PCDHA8: variants seen among roughly 807,000 people sequenced by gnomAD.
PCDHA8 encodes protocadherin alpha-8.
Under a neutral mutation model 61.8 loss-of-function variants are expected in PCDHA8, and 53 were observed. That is an observed-to-expected ratio of 0.86 (90% confidence interval 0.69 to 1.08). PCDHA8 has a LOEUF of 1.08. PCDHA8 is among the 50% of genes least tolerant of loss of function. PCDHA8 has a pLI of 0.00. For synonymous variants in PCDHA8, 618 were observed against 556.6 expected (o/e 1.11, Z -1.55); for missense variants, 1,293 against 1,245.0 (o/e 1.04, Z -0.58).
At chr5:140,853,825 C>A (rs1465584755) in intron 1 of PCDHA8, 1 of 986,448 alleles carries the variant, frequency 1.0e-6, no homozygotes, top group Non-Finnish European at 1.2e-6. Flanking sequence ...GATTCTCATA[C>A]AACCGAAATT....
chr5:140,846,727 C>T (rs2150394030), intron 1 of PCDHA8, among the ~76,000 whole-genome samples: 16 of 149,262 alleles, frequency 1.1e-4, no homozygotes, highest in Non-Finnish European at 1.2e-4. Context: ...CTTCATTAAA[C>T]ATTAAATAGG....
chr5:140,965,401 A>C (rs546046699), intron 1 of PCDHA8, among the ~76,000 whole-genome samples: 1 of 152,166 alleles, frequency 6.6e-6, no homozygotes, highest in Non-Finnish European at 1.5e-5. Flanking sequence ...AAGTCTAAGG[A>C]GTCTTATATT....
At chr5:140,916,323 C>G (rs1035282237) in intron 1 of PCDHA8, among the ~76,000 whole-genome samples, 2 of 152,210 alleles carry the variant, frequency 1.3e-5, no homozygotes. Flanking sequence ...ACAAAGTCCC[C>G]TTTACTTTTT....
chr5:140,996,412 A>G (rs563756317), intron 3 of PCDHA8, among the ~76,000 whole-genome samples: 1 of 152,332 alleles, frequency 6.6e-6, no homozygotes, highest in Admixed American at 6.5e-5. Context: ...TGGGGCAGGC[A>G]GTGTGAAAAC....
chr5:140,866,490 C>T (rs1197584665), intron 1 of PCDHA8: 2 of 152,070 alleles, frequency 1.3e-5, no homozygotes, highest in Admixed American at 1.3e-4. Flanking sequence ...TGATTTGTGA[C>T]CAAATAACTG....
intron 1 of PCDHA8, among the ~76,000 whole-genome samples, chr5:140,879,706 A>T (rs2058090742): frequency 6.6e-6 from 1 of 152,246 alleles, no homozygotes; most frequent in African/African-American, 2.4e-5. Context: ...ATTATTTCTC[A>T]GTATTGGAGA....
At chr5:140,902,514 T>C (rs1288692863) in intron 1 of PCDHA8, among the ~76,000 whole-genome samples, 1 of 152,128 alleles carries the variant, frequency 6.6e-6, no homozygotes, top group Non-Finnish European at 1.5e-5. Flanking sequence ...CTGTCATATA[T>C]GGTTTTTATT....
intron 1 of PCDHA8, chr5:140,883,270 T>C: frequency 6.2e-7 from 1 of 1,614,106 alleles, no homozygotes; most frequent in Non-Finnish European, 8.5e-7. Flanking sequence ...CGGGTCATTG[T>C]ACCCTTTTGG....
At chr5:140,986,293 CAG>C (rs1447196504) in intron 3 of PCDHA8, among the ~76,000 whole-genome samples, 2 of 152,124 alleles carry the variant, frequency 1.3e-5, no homozygotes, top group Admixed American at 6.5e-5. Flanking sequence ...TGAGACTGAG[CAG>C]AGAGAGAAAA....
At chr5:140,853,047 T>C in intron 1 of PCDHA8, 1 of 270,060 alleles carries the variant, frequency 3.7e-6, no homozygotes, top group Non-Finnish European at 5.9e-6. Context: ...CCCGCCTAAT[T>C]TTTTTGTATT....
intron 1 of PCDHA8, among the ~76,000 whole-genome samples, chr5:140,933,543 A>C (rs888580290): frequency 6.6e-6 from 1 of 152,092 alleles, no homozygotes; most frequent in Non-Finnish European, 1.5e-5. Flanking sequence ...AATAATGTTA[A>C]TATAAAATAA....
intron 3 of PCDHA8, among the ~76,000 whole-genome samples, chr5:141,007,395 C>CAA (rs35800918): frequency 2.8e-4 from 27 of 94,848 alleles, no homozygotes; most frequent in South Asian, 7.0e-4. Context: ...TACTAAAATA[C>CAA]AAAAAAAAAA....
chr5:140,957,222 G>A (rs537549328), intron 1 of PCDHA8, among the ~76,000 whole-genome samples: 1 of 152,182 alleles, frequency 6.6e-6, no homozygotes, highest in East Asian at 1.9e-4. Context: ...AAAATTTGGC[G>A]AAGCATTTTG....
intron 1 of PCDHA8, chr5:140,927,385 C>T (rs781913021): frequency 1.9e-6 from 3 of 1,614,098 alleles, no homozygotes; most frequent in Non-Finnish European, 1.7e-6. Flanking sequence ...CAGCCTAAGC[C>T]CCAGTCAGCA....
intron 1 of PCDHA8, among the ~76,000 whole-genome samples, chr5:140,974,152 G>A (rs183558718): frequency 4.2e-4 from 64 of 152,284 alleles, no homozygotes; most frequent in Admixed American, 2.4e-3. Flanking sequence ...CTATACAAGG[G>A]TTTTTCTTTC....
intron 2 of PCDHA8, among the ~76,000 whole-genome samples, chr5:140,980,905 A>G (rs182283088): frequency 1.5e-4 from 23 of 152,274 alleles, no homozygotes; most frequent in Admixed American, 1.4e-3. Context: ...ACATCATGTA[A>G]CTATTCTTTA....
chr5:140,884,733 T>C lies in PCDHA8; in HGVS notation c.2394+41018T>C, dbSNP rs782206169. On this transcript the variant is annotated intron_variant, in intron 1 of 3. Transcript: ENST00000531613. ...TCCTTGCAGTTGTTTGTTTAAGACA[T>C]CTTTCCTGCCAATTTCAAATTATTC... 1.1e-4 allele frequency: 158 copies of C among 1,448,002 alleles called. No homozygotes were observed. The Middle Eastern group carries it at 1.8e-3, about 17-fold the overall frequency. The allele number at this position is 1,448,002 out of a possible 1,614,324, so 89.7% of individuals were successfully genotyped here. A position where few individuals can be genotyped will look rare whatever the true frequency, so the allele number is the denominator to read the frequency against.
In PCDHA8 at chr5:140,929,288, G is replaced by A. The variant is rs386352346; in HGVS notation, c.2395-49661G>A. 3.1e-6 allele frequency: 5 copies of A among 1,597,514 alleles called. No homozygotes were observed. Among genetic ancestry groups the A allele is most frequent in the Non-Finnish European group, 3.4e-6 (4 of 1,168,792 alleles). On this transcript the variant is annotated intron_variant, in intron 1 of 3. Transcript: ENST00000531613. ...TTGCCAATATCCTGTATTCAGATTC[G>A]GAATAGGAAAGGGGATCACGCTAAT... is the stretch of plus-strand genomic sequence containing the variant.
At chr5:140,909,082 G>T (rs1190064294) in intron 1 of PCDHA8, among the ~76,000 whole-genome samples, 2 of 152,184 alleles carry the variant, frequency 1.3e-5, no homozygotes, top group Non-Finnish European at 2.9e-5. Context: ...CAGTGTGTTT[G>T]CTACTTCTCA....
Sources: gnomAD v4.1 joint callset for allele counts (sites outside exome capture counted in the v4.1 genomes callset) on GRCh38, gnomAD v4.1.1 for gene constraint, MANE v1.5 for transcripts, NCBI Gene and HGNC (gene_info 2026-07-23, HGNC 2026-07-21) for gene names.